The following NAALADL2 variants were observed in gnomAD, a reference collection of about 807,000 sequenced individuals.
NAALADL2 encodes the protein inactive N-acetylated-alpha-linked acidic dipeptidase-like protein 2.
A neutral mutation model predicts 87.2 loss-of-function variants in NAALADL2; 76 were observed. The ratio of observed to expected loss-of-function variants is 0.87; its 90% CI spans 0.72 to 1.05. NAALADL2 has a LOEUF of 1.05. NAALADL2 is among the 50% of genes least tolerant of loss of function. NAALADL2 has a pLI of 0.00. For missense variants in NAALADL2, 1,089 were observed against 945.8 expected (o/e 1.15, Z -1.99); for synonymous variants, 354 against 331.0 (o/e 1.07, Z -0.75).
chr3:174,741,315 G>A (rs2109010180), intron 3 of NAALADL2, among the ~76,000 whole-genome samples: 1 of 151,630 alleles, frequency 6.6e-6, no homozygotes, highest in South Asian at 2.1e-4. Context: ...GACTTTATTA[G>A]GAAGACTCAG....
intron 2 of NAALADL2, among the ~76,000 whole-genome samples, chr3:174,588,790 G>A (rs187167522): frequency 2.5e-4 from 38 of 152,132 alleles, no homozygotes; most frequent in African/African-American, 9.2e-4. Flanking sequence ...GGCCCCTACT[G>A]GGGGGTGCCT....
chr3:174,680,316 A>C, intron 2 of NAALADL2, among the ~76,000 whole-genome samples: 1 of 152,182 alleles, frequency 6.6e-6, no homozygotes, highest in East Asian at 1.9e-4. Context: ...AGGTCCCAAA[A>C]GCTAGATAAT....
intron 4 of NAALADL2, among the ~76,000 whole-genome samples, chr3:175,261,936 G>A (rs1202017164): frequency 6.6e-6 from 1 of 152,018 alleles, no homozygotes; most frequent in Non-Finnish European, 1.5e-5. Flanking sequence ...AGAGCCTGGA[G>A]GAAAATGAGA....
At chr3:175,660,489 T>C (rs559973467) in intron 11 of NAALADL2, among the ~76,000 whole-genome samples, 1 of 152,230 alleles carries the variant, frequency 6.6e-6, no homozygotes, top group African/African-American at 2.4e-5. Flanking sequence ...ACCTCAAATA[T>C]TTATCCTTTC....
chr3:174,549,953 G>T lies in NAALADL2; in HGVS notation c.-183-616G>T, dbSNP rs373454620. ...AATACTTTCTTTGGGTCTAAATTGT[G>T]AAAATACCCAAAACATTTGATAGAA... On this transcript the variant is annotated intron_variant, in intron 1 of 3. Transcript: ENST00000434257. Among the ~76,000 whole-genome samples, 8 of 151,592 alleles carry T rather than the reference G, an allele frequency of 5.3e-5. 1 individual carries two copies. In the South Asian group the frequency reaches 1.7e-3, roughly 32 times the overall value.
At chr3:174,785,352 C>G (rs1262351379) in intron 3 of NAALADL2, among the ~76,000 whole-genome samples, 2 of 152,144 alleles carry the variant, frequency 1.3e-5, no homozygotes, top group Non-Finnish European at 2.9e-5. Context: ...TATTTTCATT[C>G]TGCGTATACC....
Position 174,919,835 on chromosome 3 carries a change from C to A in NAALADL2, c.43+60385C>A, listed in dbSNP as rs577629189. 9.9e-5 allele frequency among the ~76,000 whole-genome samples: 15 copies of A among 152,236 alleles called. No individual in the cohort carries two copies. The South Asian group carries it at 2.3e-3, about 23-fold the overall frequency. ...TCCTTTAATAATAAAACTTGGGAGT[C>A]AAAATTACTCCTTGATCCATATGCT... is the stretch of plus-strand genomic sequence containing the variant. On this transcript the variant is annotated intron_variant, in intron 1 of 13. Transcript: ENST00000454872.
At chr3:175,160,371 T>TC (rs1254868279) in intron 2 of NAALADL2, among the ~76,000 whole-genome samples, 9 of 116,654 alleles carry the variant, frequency 7.7e-5, no homozygotes, top group African/African-American at 2.6e-4. Context: ...TTTTTTTTTT[T>TC]TTTTTTTTTT....
At chr3:174,803,755 G>T (rs374110736) in intron 3 of NAALADL2, among the ~76,000 whole-genome samples, 1 of 152,104 alleles carries the variant, frequency 6.6e-6, no homozygotes, top group East Asian at 1.9e-4. Context: ...GTTTTTGTCA[G>T]GTTTGTCAAA....
chr3:175,652,592 C>A (rs1249461485), intron 11 of NAALADL2, among the ~76,000 whole-genome samples: 2 of 151,298 alleles, frequency 1.3e-5, no homozygotes, highest in Non-Finnish European at 2.9e-5. Flanking sequence ...CATTCTCCTG[C>A]CTCAGCCTCC....
rs1008614826 is a variant in NAALADL2 at position 174,873,667 on chromosome 3, A to G, written c.43+14217A>G. Among the ~76,000 whole-genome samples, 4 of 152,194 alleles carry G rather than the reference A, an allele frequency of 2.6e-5. No individual in the cohort carries two copies. In the South Asian group the frequency reaches 8.3e-4, roughly 32 times the overall value. ...AGTCATGGCATTTAGGCATGATTTGAATTTTACATTTTGAGTCAAATGAAA... is the reference window on the plus strand; with the variant it reads ...AGTCATGGCATTTAGGCATGATTTGGATTTTACATTTTGAGTCAAATGAAA... On this transcript the variant is annotated intron_variant, in intron 1 of 13. Coordinates refer to ENST00000454872, the MANE Select transcript of NAALADL2 (RefSeq NM_207015.3).
rs1485183288 is a variant in NAALADL2, at chr3:175,489,786, G to A, written c.1653+18028G>A. Among the ~76,000 whole-genome samples the A allele has an allele frequency of 2.6e-5, 4 of 152,146 alleles. No individual in the cohort carries two copies. In the South Asian group the frequency reaches 6.2e-4, roughly 24 times the overall value. Reference sequence around the variant, plus strand: ...ACTCCTTGTAGAAGAGACTTCTTTTGAGTCTTCTACTCCAAAACCAAATAT... The same window carrying A: ...ACTCCTTGTAGAAGAGACTTCTTTTAAGTCTTCTACTCCAAAACCAAATAT... On this transcript the variant is annotated intron_variant, in intron 9 of 13. Transcript: ENST00000454872.
chr3:175,689,868 A>G (rs866386259), intron 11 of NAALADL2, among the ~76,000 whole-genome samples: 1 of 152,090 alleles, frequency 6.6e-6, no homozygotes, highest in African/African-American at 2.4e-5. Flanking sequence ...ATTCTTGGAT[A>G]AGAATAAGTA....
chr3:175,551,603 A>G (rs533087248), intron 9 of NAALADL2, among the ~76,000 whole-genome samples: 99 of 152,324 alleles, frequency 6.5e-4, no homozygotes, highest in African/African-American at 2.2e-3. Context: ...TATATGACAA[A>G]GTTCACACAA....
At chr3:175,631,450 C>CT (rs34282283) in intron 11 of NAALADL2, among the ~76,000 whole-genome samples, 16,888 of 138,968 alleles carry the variant, frequency 0.12, 1,184 homozygotes, top group Admixed American at 0.17. Flanking sequence ...CCCTGTAGTT[C>CT]TTTTTTTTTT....
rs1754557419 is a variant in NAALADL2, at chr3:175,804,759, A to T, written c.*1556A>T. 1 of 151,898 alleles carries T rather than the reference A, an allele frequency of 6.6e-6. No homozygotes were observed. The highest frequency in any genetic ancestry group is 2.1e-4 in the South Asian group (1 of 4,832). The allele number at this position is 151,898 out of a possible 1,614,324, so 9.4% of individuals were successfully genotyped here. ...GAGGGGAAATAATTAATCAATACTG[A>T]TTAATTGATTTATAAGGTTCAACAC... is the stretch of plus-strand genomic sequence containing the variant. On this transcript the variant is annotated 3_prime_UTR_variant, in exon 14 of 14. Transcript: ENST00000454872.
intron 2 of NAALADL2, among the ~76,000 whole-genome samples, chr3:175,203,540 T>C (rs1740382338): frequency 6.6e-6 from 1 of 152,188 alleles, no homozygotes; most frequent in Non-Finnish European, 1.5e-5. Flanking sequence ...CAGAGTTCTA[T>C]GAGTCTTCTT....
At chr3:175,740,365 A>G (rs1745064986) in intron 12 of NAALADL2, among the ~76,000 whole-genome samples, 1 of 152,156 alleles carries the variant, frequency 6.6e-6, no homozygotes, top group South Asian at 2.1e-4. Context: ...GGGAGGTGAT[A>G]AATTGGGGAT....
chr3:174,905,573 C>T (rs1215261022), intron 1 of NAALADL2, among the ~76,000 whole-genome samples: 2 of 151,970 alleles, frequency 1.3e-5, no homozygotes, highest in Non-Finnish European at 2.9e-5. Context: ...AAAATAAAAA[C>T]ATGTAACTCA....
Sources: gnomAD v4.1 joint callset for allele counts (sites outside exome capture counted in the v4.1 genomes callset) on GRCh38, gnomAD v4.1.1 for gene constraint, MANE v1.5 for transcripts, NCBI Gene and HGNC (gene_info 2026-07-23, HGNC 2026-07-21) for gene names.